Variants in ZNF536 observed in about 807,000 individuals in gnomAD.
The protein encoded by ZNF536 is zinc finger protein 536.
ZNF536 carries 13 observed loss-of-function variants against 84.5 expected under a neutral mutation model. The ratio of observed to expected loss-of-function variants is 0.15; its 90% CI spans 0.10 to 0.24. ZNF536 has a LOEUF of 0.24. Among genes scored for constraint, ZNF536 ranks in the 10% least tolerant of loss-of-function variants. ZNF536 has a pLI of 1.00. For synonymous variants in ZNF536, 811 were observed against 742.5 expected (o/e 1.09, Z -1.50); for missense variants, 1,536 against 1,747.5 (o/e 0.88, Z 2.16).
At chr19:30,297,899 G>A (rs777504183) in intron 2 of ZNF536, among the ~76,000 whole-genome samples, 25 of 130,714 alleles carry the variant, frequency 1.9e-4, no homozygotes, top group Non-Finnish European at 3.2e-4. Flanking sequence ...TTCTCAAGAC[G>A]GAGTCCCCCC....
chr19:30,664,203 TTTCTCTCTCTCTCTCTCTCTCTC>T (rs1423786540), intron 1 of ZNF536, among the ~76,000 whole-genome samples: 7 of 88,708 alleles, frequency 7.9e-5, no homozygotes, highest in Admixed American at 4.1e-4. Context: ...CTTGCTGAGT[TTTCTCTCTCTCTCTCTCTCTCTC>T]TCTCTCTCTC....
chr19:30,549,149 A>G lies in ZNF536; in HGVS notation c.3530A>G (p.Asn1177Ser), dbSNP rs2146240227. The change falls in exon 4 of 5, where the codon AAC becomes AGC. Residue 1177 changes from asparagine to serine, a missense_variant. Transcript: ENST00000355537. The part of the protein sequence containing the change: ...SEDMDSSKGE[N>S]NDEEDVETEP... The stretch of plus-strand genomic sequence containing the variant: ...GACATGGACTCCTCCAAGGGGGAGA[A>G]CAACGATGAAGAGGATGTTGAAACC... The G allele has an allele frequency of 6.2e-7, 1 of 1,614,096 alleles. No homozygotes were observed.
At chr19:30,601,770 A>T (rs2047695222) in intron 1 of ZNF536, among the ~76,000 whole-genome samples, 1 of 152,032 alleles carries the variant, frequency 6.6e-6, no homozygotes, top group Admixed American at 6.5e-5. Context: ...TGGGACGGGT[A>T]TGTCCTGCTG....
chr19:30,348,804 TTTTTCTTTTC>T (rs1184345458), intron 2 of ZNF536, among the ~76,000 whole-genome samples: 1 of 115,984 alleles, frequency 8.6e-6, no homozygotes, highest in East Asian at 2.2e-4. Flanking sequence ...ATTTTCTTTT[TTTTTCTTTTC>T]TTTTTTTTTT....
chr19:30,346,990 C>A (rs1240553271), intron 2 of ZNF536, among the ~76,000 whole-genome samples: 1 of 152,178 alleles, frequency 6.6e-6, no homozygotes, highest in Non-Finnish European at 1.5e-5. Context: ...TTTTTCTCCA[C>A]AACCTAGCCA....
At chr19:30,240,794 T>C (rs1198117063) in intron 1 of ZNF536, among the ~76,000 whole-genome samples, 1 of 152,082 alleles carries the variant, frequency 6.6e-6, no homozygotes, top group African/African-American at 2.4e-5. Context: ...GAACAAGAAG[T>C]GAAGGGCACA....
intron 1 of ZNF536, among the ~76,000 whole-genome samples, chr19:30,691,030 C>T (rs1457064380): frequency 3.3e-5 from 5 of 152,148 alleles, no homozygotes; most frequent in South Asian, 4.2e-4. Flanking sequence ...CTGCTGCTTA[C>T]GGTCTGAGCT....
At chr19:30,662,962 CTTTT>C (rs951081577) in intron 1 of ZNF536, among the ~76,000 whole-genome samples, 2 of 78,772 alleles carry the variant, frequency 2.5e-5, no homozygotes, top group East Asian at 3.9e-4. Context: ...TTTTTCGTTT[CTTTT>C]TTTTTTTTTT....
chr19:30,405,475 T>G (rs1568397469), intron 1 of ZNF536, among the ~76,000 whole-genome samples: 1 of 152,206 alleles, frequency 6.6e-6, no homozygotes, highest in South Asian at 2.1e-4. Context: ...GTTCTGAGAT[T>G]CAACAGAACC....
chr19:30,486,702 A>G lies in ZNF536; in HGVS notation c.2170+40970A>G, dbSNP rs559588630. Reference sequence around the variant, plus strand: ...ACTGACTTCCTCAATGGGTGGACTAATTGACATTCCCACCAATGGTGTAAA... The same window carrying G: ...ACTGACTTCCTCAATGGGTGGACTAGTTGACATTCCCACCAATGGTGTAAA... On this transcript the variant is annotated intron_variant, in intron 2 of 4. Transcript: ENST00000355537. Among the ~76,000 whole-genome samples the G allele has an allele frequency of 2.6e-5, 4 of 152,320 alleles. No individual in the cohort carries two copies. In the East Asian group the frequency reaches 7.7e-4, roughly 29 times the overall value.
intron 2 of ZNF536, among the ~76,000 whole-genome samples, chr19:30,470,713 T>A (rs1269420359): frequency 1.4e-5 from 2 of 141,726 alleles, no homozygotes; most frequent in African/African-American, 5.3e-5. Flanking sequence ...TGAGATGGAG[T>A]CTCGCTCTAT....
chr19:30,323,412 C>A (rs997222363), intron 2 of ZNF536, among the ~76,000 whole-genome samples: 6 of 152,082 alleles, frequency 3.9e-5, no homozygotes, highest in Non-Finnish European at 5.9e-5. Flanking sequence ...TTTAATTCAC[C>A]CACAATCAAT....
At chr19:30,289,120 C>G (rs1401028095) in intron 2 of ZNF536, among the ~76,000 whole-genome samples, 2 of 152,060 alleles carry the variant, frequency 1.3e-5, no homozygotes, top group Non-Finnish European at 2.9e-5. Context: ...GTTTGGAGAA[C>G]GCATTCTGAG....
At chr19:30,365,232 G>GCT (rs145597145) in intron 3 of ZNF536, among the ~76,000 whole-genome samples, 281 of 150,424 alleles carry the variant, frequency 1.9e-3, no homozygotes, top group African/African-American at 5.6e-3. Context: ...ATAGGCATGT[G>GCT]CTCTCTCTCT....
intron 1 of ZNF536, among the ~76,000 whole-genome samples, chr19:30,414,563 T>A (rs192539161): frequency 1.1e-4 from 16 of 152,322 alleles, no homozygotes; most frequent in Non-Finnish European, 1.6e-4. Context: ...TTTAAATGTG[T>A]GTGTGTGTGC....
At chr19:30,334,355 C>A (rs2047311466) in intron 2 of ZNF536, among the ~76,000 whole-genome samples, 1 of 152,212 alleles carries the variant, frequency 6.6e-6, no homozygotes, top group East Asian at 1.9e-4. Flanking sequence ...CTTACCAACC[C>A]CTGAAACTCA....
intron 1 of ZNF536, 25 bp downstream of exon 1, chr19:30,372,581 AGTGT>A: frequency 6.6e-6 from 1 of 152,186 alleles, no homozygotes; most frequent in East Asian, 1.9e-4. Context: ...TTTGTGTGTG[AGTGT>A]GTGAGTGTGT....
At position 30,700,192 on chromosome 19, in the gene ZNF536, C is replaced by CTTTCTTTTCTTTCTTTCTTTCT. The variant is rs57225901; in HGVS notation, c.170-10558_170-10557insTCTTTCTTTCTTTCTTTTCTTT. Among the ~76,000 whole-genome samples the CTTTCTTTTCTTTCTTTCTTTCT allele has an allele frequency of 2.1e-4, 23 of 110,528 alleles. No homozygotes were observed. In the East Asian group the frequency reaches 3.0e-3, roughly 14 times the overall value. The allele number at this position is 110,528 out of a possible 152,430, so 72.5% of individuals were successfully genotyped here. A position where few individuals can be genotyped will look rare whatever the true frequency, so the allele number is the denominator to read the frequency against. ...CTTTCCTTCTTTCTTTTCTTTCCTTCTTTCTTTCCTTCTTTCTTTCCTTCT... is the reference window on the plus strand; with the variant it reads ...CTTTCCTTCTTTCTTTTCTTTCCTTCTTTCTTTTCTTTCTTTCTTTCTTTTCTTTCCTTCTTTCTTTCCTTCT... On this transcript the variant is annotated intron_variant, in intron 1 of 1. Coordinates refer to the ZNF536 transcript ENST00000592773.
chr19:30,606,444 T>G (rs2047895020), intron 1 of ZNF536, among the ~76,000 whole-genome samples: 3 of 152,214 alleles, frequency 2.0e-5, no homozygotes, highest in African/African-American at 7.2e-5. Flanking sequence ...CATGGTGGGA[T>G]GCAGTGAGTT....
Sources: allele counts gnomAD v4.1 joint callset (sites outside exome capture counted in the v4.1 genomes callset), GRCh38; gene constraint gnomAD v4.1.1; transcripts MANE v1.5; gene names NCBI Gene and HGNC (gene_info 2026-07-23, HGNC 2026-07-21).